The following PICALM variants were observed in gnomAD, a reference collection of about 807,000 sequenced individuals.
The protein encoded by PICALM is phosphatidylinositol binding clathrin assembly protein.
In PICALM, 40 loss-of-function variants were observed where a neutral mutation model predicts 80.5. That is an observed-to-expected ratio of 0.50 (90% CI 0.39 to 0.65). The LOEUF is 0.65. Among genes scored for constraint, PICALM ranks in the 30% least tolerant of loss-of-function variants. PICALM has a pLI of 0.00. For synonymous variants in PICALM, 288 were observed against 260.3 expected (o/e 1.11, Z -1.02); for missense variants, 676 against 778.9 (o/e 0.87, Z 1.57).
intron 2 of PICALM, among the ~76,000 whole-genome samples, chr11:86,028,633 TA>T (rs1364370591): frequency 6.6e-6 from 1 of 152,194 alleles, no homozygotes; most frequent in East Asian, 1.9e-4. Context: ...AGAAGTGACT[TA>T]CCCAAGTCAC....
intron 2 of PICALM, among the ~76,000 whole-genome samples, chr11:86,029,234 A>G (rs1054942526): frequency 6.6e-6 from 1 of 152,062 alleles, no homozygotes; most frequent in African/African-American, 2.4e-5. Flanking sequence ...AATGTCCCCT[A>G]AGGGAAAAAA....
At chr11:85,959,139 A>G in intron 19 of PICALM, 79 bp from the exon 20 acceptor site, 1 of 967,424 alleles carries the variant, frequency 1.0e-6, no homozygotes, top group Non-Finnish European at 1.6e-6. Context: ...TGTGGTCTTT[A>G]CCATTTAACT....
chr11:85,996,405 A>G (rs2094961805), intron 12 of PICALM, among the ~76,000 whole-genome samples: 1 of 152,130 alleles, frequency 6.6e-6, no homozygotes, highest in Non-Finnish European at 1.5e-5. Flanking sequence ...CTGTGTGATA[A>G]TACCATCTGA....
rs531709199 is a variant in PICALM, at chr11:86,065,166, C to A, written c.130+3485G>T. 1.6e-4 allele frequency among the ~76,000 whole-genome samples: 24 copies of A among 152,174 alleles called. No individual in the cohort carries two copies. The East Asian group carries it at 4.3e-3, about 27-fold the overall frequency. On this transcript the variant is annotated intron_variant, in intron 1 of 19. Transcript: ENST00000393346. Reference sequence around the variant, plus strand: ...GAAGTTATAAATTAAAAATTGTGGGCCAGGCACAGTGGCTCACACGTCTGT... The same window carrying A: ...GAAGTTATAAATTAAAAATTGTGGGACAGGCACAGTGGCTCACACGTCTGT...
intron 1 of PICALM, among the ~76,000 whole-genome samples, chr11:86,062,905 A>G (rs1006458200): frequency 7.2e-5 from 11 of 152,208 alleles, no homozygotes; most frequent in African/African-American, 2.7e-4. Flanking sequence ...TTAGCTACCA[A>G]AAGAACAGGA....
chr11:86,035,122 GTCT>G (rs1357324788), intron 1 of PICALM, among the ~76,000 whole-genome samples: 1 of 85,532 alleles, frequency 1.2e-5, no homozygotes, highest in Non-Finnish European at 2.2e-5. Context: ...TTCTGAGGAA[GTCT>G]TTTTTTTTTT....
rs370704222 is a variant in PICALM at position 85,974,676 on chromosome 11, A to C, written c.1944+32T>G. On this transcript the variant is annotated intron_variant, in intron 19 of 19. Coordinates refer to ENST00000393346, the MANE Select transcript of PICALM (RefSeq NM_007166.4). ...GTATCATATTCCTTCCAAATCAAAC[A>C]CATTACCACAGTTACATGTAGTGTG... 2.2e-6 allele frequency: 3 copies of C among 1,353,286 alleles called. No individual in the cohort carries two copies. The African/African-American group carries it at 4.3e-5, about 19-fold the overall frequency. The allele number at this position is 1,353,286 out of a possible 1,614,324, so 83.8% of individuals were successfully genotyped here.
intron 11 of PICALM, 133 bp from the exon 12 acceptor site, chr11:85,997,062 G>C: frequency 1.8e-6 from 1 of 545,648 alleles, no homozygotes; most frequent in Non-Finnish European, 3.2e-6. Flanking sequence ...AATCTCAAAA[G>C]AGGAACAGTT....
chr11:85,975,165 T>A (rs979332493), intron 18 of PICALM, among the ~76,000 whole-genome samples: 4 of 152,244 alleles, frequency 2.6e-5, no homozygotes, highest in Non-Finnish European at 4.4e-5. Flanking sequence ...TAAGACTCTG[T>A]CTTCGCTGCT....
At chr11:86,053,592 C>A (rs1221376485) in intron 1 of PICALM, among the ~76,000 whole-genome samples, 1 of 151,954 alleles carries the variant, frequency 6.6e-6, no homozygotes, top group South Asian at 2.1e-4. Context: ...TTTTTTGAGA[C>A]AGGGTCTCAC....
At chr11:85,982,268 T>C in intron 14 of PICALM, 2 of 323,864 alleles carry the variant, frequency 6.2e-6, no homozygotes, top group Non-Finnish European at 1.2e-5. Context: ...AAGAGAGAAG[T>C]ATTATAAAAG....
At chr11:85,988,110 A>G (rs1276912196) in intron 13 of PICALM, among the ~76,000 whole-genome samples, 1 of 152,216 alleles carries the variant, frequency 6.6e-6, no homozygotes, top group East Asian at 1.9e-4. Flanking sequence ...AACTACAGTA[A>G]TAACTACTAT....
chr11:86,051,619 A>G (rs1455988661), intron 1 of PICALM, among the ~76,000 whole-genome samples: 1 of 152,162 alleles, frequency 6.6e-6, no homozygotes, highest in African/African-American at 2.4e-5. Flanking sequence ...TGACATCGCG[A>G]CACTGCACTC....
chr11:86,004,273 A>T (rs2095227539), intron 8 of PICALM, among the ~76,000 whole-genome samples: 1 of 152,176 alleles, frequency 6.6e-6, no homozygotes, highest in East Asian at 1.9e-4. Flanking sequence ...AACAACATAG[A>T]TCTCAAACAA....
intron 1 of PICALM, among the ~76,000 whole-genome samples, chr11:86,067,861 T>G (rs1214103558): frequency 2.0e-5 from 3 of 152,076 alleles, no homozygotes; most frequent in Non-Finnish European, 4.4e-5. Context: ...CTCACCCCAG[T>G]CAAAAGTATG....
At chr11:86,057,325 GGT>G (rs1355903858) in intron 1 of PICALM, among the ~76,000 whole-genome samples, 1 of 152,142 alleles carries the variant, frequency 6.6e-6, no homozygotes, top group African/African-American at 2.4e-5. Context: ...CGGATCACGA[GGT>G]CAGGAGTTTG....
chr11:86,040,251 T>C (rs1389178416), intron 1 of PICALM, among the ~76,000 whole-genome samples: 1 of 152,162 alleles, frequency 6.6e-6, no homozygotes, highest in East Asian at 1.9e-4. Context: ...ATCCAATATA[T>C]ACATGAATGT....
intron 1 of PICALM, among the ~76,000 whole-genome samples, chr11:86,052,341 A>T (rs1476363630): frequency 6.6e-6 from 1 of 152,192 alleles, no homozygotes; most frequent in Non-Finnish European, 1.5e-5. Flanking sequence ...TTTTCTTTAT[A>T]AATTACCCAG....
In PICALM at chr11:85,974,699, G is replaced by A. The variant is rs1405632906; in HGVS notation, c.1944+9C>T. On this transcript the variant is annotated intron_variant, in intron 19 of 19. Coordinates refer to ENST00000393346, the MANE Select transcript of PICALM (RefSeq NM_007166.4). The stretch of plus-strand genomic sequence containing the variant: ...ACACATTACCACAGTTACATGTAGT[G>A]TGTAATACCTGTGCTCCTGATACAG... The A allele has an allele frequency of 6.0e-6, 9 of 1,502,542 alleles. No individual in the cohort carries two copies. Among genetic ancestry groups the A allele is most frequent in the African/African-American group, 2.8e-5 (2 of 72,696 alleles). The allele number at this position is 1,502,542 out of a possible 1,614,324, so 93.1% of individuals were successfully genotyped here.
Sources: gnomAD v4.1 joint callset for allele counts (sites outside exome capture counted in the v4.1 genomes callset) on GRCh38, gnomAD v4.1.1 for gene constraint, MANE v1.5 for transcripts, NCBI Gene and HGNC (gene_info 2026-07-23, HGNC 2026-07-21) for gene names.